The following SORCS1 variants were observed in gnomAD, a reference collection of about 807,000 sequenced individuals.
The protein encoded by SORCS1 is VPS10 domain-containing receptor SorCS1.
Under a neutral mutation model 146.1 loss-of-function variants are expected in SORCS1, and 60 were observed. The observed-to-expected ratio is 0.41, with a 90% confidence interval of 0.33 to 0.51. The LOEUF (loss-of-function observed/expected upper bound fraction) is 0.51. SORCS1 is among the 20% of genes least tolerant of loss of function. The probability of loss-of-function intolerance (pLI) is 0.21; values close to 1 mark genes in which losing one functional copy is unlikely to be tolerated. For missense variants in SORCS1, 1,352 were observed against 1,487.6 expected (o/e 0.91, Z 1.50); for synonymous variants, 637 against 584.0 (o/e 1.09, Z -1.31).
At chr10:106,777,702 G>A (rs1358339311) in intron 3 of SORCS1, among the ~76,000 whole-genome samples, 4 of 152,186 alleles carry the variant, frequency 2.6e-5, no homozygotes, top group Admixed American at 1.3e-4. Flanking sequence ...TGGAGGAGCT[G>A]CCTTCGAAAC....
chr10:106,963,110 A>ATTTTTTGTTTT (rs1955324005), intron 1 of SORCS1, among the ~76,000 whole-genome samples: 1 of 76,296 alleles, frequency 1.3e-5, no homozygotes, highest in Non-Finnish European at 2.4e-5. Flanking sequence ...AATGGCCAGA[A>ATTTTTTGTTTT]TTTTTTTTTT....
chr10:106,832,199 T>C (rs1948579147), intron 2 of SORCS1, among the ~76,000 whole-genome samples: 1 of 138,676 alleles, frequency 7.2e-6, no homozygotes, highest in African/African-American at 3.1e-5. Context: ...TTTTTTTTTT[T>C]CTTTTTTGAG....
At chr10:106,940,889 A>C (rs1382924675) in intron 2 of SORCS1, among the ~76,000 whole-genome samples, 2 of 152,166 alleles carry the variant, frequency 1.3e-5, no homozygotes, top group Non-Finnish European at 2.9e-5. Flanking sequence ...CATCTCAAAA[A>C]ATAATAATAA....
intron 1 of SORCS1, among the ~76,000 whole-genome samples, chr10:107,100,664 G>A (rs1964862188): frequency 6.6e-6 from 1 of 152,110 alleles, no homozygotes; most frequent in South Asian, 2.1e-4. Flanking sequence ...CTCAGATGAG[G>A]CAGCACCAGT....
intron 5 of SORCS1, among the ~76,000 whole-genome samples, chr10:106,739,017 G>A (rs1321852503): frequency 6.6e-6 from 1 of 152,162 alleles, no homozygotes; most frequent in Non-Finnish European, 1.5e-5. Context: ...AAGGTTAGTG[G>A]ACTAGGTATT....
At chr10:106,829,790 G>T in intron 2 of SORCS1, 117 bp from the exon 3 acceptor site, 1 of 643,838 alleles carries the variant, frequency 1.6e-6, no homozygotes, top group Non-Finnish European at 2.7e-6. Flanking sequence ...AATGATTCAT[G>T]TAGTATATAA....
At chr10:106,750,538 G>A (rs1858079725) in intron 5 of SORCS1, among the ~76,000 whole-genome samples, 4 of 150,450 alleles carry the variant, frequency 2.7e-5, no homozygotes, top group South Asian at 2.1e-4. Context: ...GACGATCCTG[G>A]CTAACACGGT....
At chr10:106,616,479 C>T (rs1033361128) in intron 21 of SORCS1, among the ~76,000 whole-genome samples, 6 of 152,088 alleles carry the variant, frequency 3.9e-5, no homozygotes, top group Non-Finnish European at 7.3e-5. Flanking sequence ...ATATCACCTG[C>T]TTTACACTAG....
At chr10:106,832,466 G>A (rs1206946853) in intron 2 of SORCS1, among the ~76,000 whole-genome samples, 1 of 152,104 alleles carries the variant, frequency 6.6e-6, no homozygotes, top group African/African-American at 2.4e-5. Flanking sequence ...TGGGATTACA[G>A]GTGTGAGCCA....
intron 1 of SORCS1, among the ~76,000 whole-genome samples, 155 bp from the exon 2 acceptor site, chr10:106,956,735 G>A (rs1954961799): frequency 6.6e-6 from 1 of 152,222 alleles, no homozygotes; most frequent in Non-Finnish European, 1.5e-5. Context: ...GGGAAAGGTT[G>A]GCTTGTCTTT....
chr10:106,753,311 T>C (rs1294617785), intron 5 of SORCS1, among the ~76,000 whole-genome samples: 4 of 152,266 alleles, frequency 2.6e-5, no homozygotes, highest in South Asian at 2.1e-4. Flanking sequence ...TCGCGCCACA[T>C]TCTCTAAGTC....
intron 10 of SORCS1, among the ~76,000 whole-genome samples, chr10:106,687,972 C>T (rs1852986973): frequency 1.3e-5 from 2 of 152,288 alleles, no homozygotes; most frequent in East Asian, 3.9e-4. Flanking sequence ...AAACAAGGAT[C>T]CTGGAAGGGC....
rs1158764339 is a variant in SORCS1 at position 106,688,172 on chromosome 10, G to A, written c.1560+20C>T. 1 of 1,609,968 alleles carries A rather than the reference G, an allele frequency of 6.2e-7. No individual in the cohort carries two copies. Among genetic ancestry groups the A allele is most frequent in the Non-Finnish European group, 8.5e-7 (1 of 1,178,510 alleles). ...ATCCCTCTACTGTGTGAGGCATTCT[G>A]CTTCAATAGGAAGACTCACCAGCAA... On this transcript the variant is annotated intron_variant, in intron 10 of 25. Transcript: ENST00000263054.
chr10:107,163,944 T>G lies in SORCS1; in HGVS notation c.558+25A>C, dbSNP rs545884988. On this transcript the variant is annotated intron_variant, in intron 1 of 25. Transcript: ENST00000263054. Reference sequence around the variant, plus strand: ...TAACCCTTTCCATCTTTCCACCCCTTTACCCTCAGTCCCATTCTACTCACG... The same window carrying G: ...TAACCCTTTCCATCTTTCCACCCCTGTACCCTCAGTCCCATTCTACTCACG... 2.4e-5 allele frequency: 38 copies of G among 1,598,626 alleles called. No homozygotes were observed. The African/African-American group carries it at 4.5e-4, about 19-fold the overall frequency.
intron 8 of SORCS1, among the ~76,000 whole-genome samples, chr10:106,700,154 GT>G (rs1438967414): frequency 6.6e-6 from 1 of 152,184 alleles, no homozygotes; most frequent in East Asian, 1.9e-4. Context: ...AACTGATGAT[GT>G]TTTCAGAGCC....
intron 1 of SORCS1, among the ~76,000 whole-genome samples, chr10:107,030,089 G>GA (rs1958583286): frequency 2.0e-5 from 3 of 151,790 alleles, no homozygotes; most frequent in African/African-American, 4.8e-5. Flanking sequence ...TTTTCTACTT[G>GA]AAAAAAAATT....
chr10:106,930,638 G>A (rs935191649), intron 2 of SORCS1, among the ~76,000 whole-genome samples: 3 of 152,296 alleles, frequency 2.0e-5, no homozygotes, highest in Admixed American at 2.0e-4. Context: ...AACATCGCAT[G>A]CTTGAATCAG....
chr10:106,941,368 T>C (rs979125201), intron 2 of SORCS1, among the ~76,000 whole-genome samples: 1 of 152,024 alleles, frequency 6.6e-6, no homozygotes, highest in Admixed American at 6.6e-5. Flanking sequence ...ATAAATATAC[T>C]TTTTCTGATG....
chr10:106,927,960 G>A (rs1953153544), intron 2 of SORCS1, among the ~76,000 whole-genome samples: 1 of 152,246 alleles, frequency 6.6e-6, no homozygotes, highest in Admixed American at 6.5e-5. Context: ...GACACAGAGT[G>A]CCAATTGGTG....
Sources: gnomAD v4.1 joint callset for allele counts (sites outside exome capture counted in the v4.1 genomes callset) on GRCh38, gnomAD v4.1.1 for gene constraint, MANE v1.5 for transcripts, NCBI Gene and HGNC (gene_info 2026-07-23, HGNC 2026-07-21) for gene names.